Variants in IL10RA observed in about 807,000 individuals in gnomAD.
The protein encoded by IL10RA is interleukin-10 receptor subunit alpha.
A neutral mutation model predicts 29.6 loss-of-function variants in IL10RA; 18 were observed. That is an observed-to-expected ratio of 0.61 (90% CI 0.42 to 0.90). The LOEUF (loss-of-function observed/expected upper bound fraction) is 0.90, where lower values mean the gene tolerates loss of function less well. Ranked by LOEUF, IL10RA falls within the 40% of genes least tolerant of loss-of-function variation. IL10RA has a pLI of 0.00. For missense variants in IL10RA, 634 were observed against 716.6 expected (o/e 0.88, Z 1.32); for synonymous variants, 292 against 294.1 (o/e 0.99, Z 0.07).
At chr11:117,997,934 G>A (rs914277749) in intron 6 of IL10RA, among the ~76,000 whole-genome samples, 1 of 152,150 alleles carries the variant, frequency 6.6e-6, no homozygotes, top group East Asian at 1.9e-4. Flanking sequence ...AGCATTTCAA[G>A]CAGGAGGGAG....
In IL10RA at chr11:117,989,655, G is replaced by A. The variant is rs746772218; in HGVS notation, c.367+35G>A. ...CTCCCTTGACTTAGAACATGGCTCT[G>A]AAGTCCCTTCCAGCCAGGAACTCTA... On this transcript the variant is annotated intron_variant, in intron 3 of 6. Coordinates refer to ENST00000227752, the MANE Select transcript of IL10RA (RefSeq NM_001558.4). The surrounding 1 kb of genome is among the most constrained non-coding windows in gnomAD (Gnocchi z 4.5). 1.9e-6 allele frequency: 3 copies of A among 1,601,548 alleles called. No individual in the cohort carries two copies. The highest frequency in any genetic ancestry group is 2.7e-5 in the African/African-American group (2 of 74,780).
chr11:117,988,929 G>A (rs1246775921), intron 2 of IL10RA, among the ~76,000 whole-genome samples: 28 of 152,040 alleles, frequency 1.8e-4, no homozygotes, highest in Non-Finnish European at 1.5e-5. Context: ...CCTGGCTAAT[G>A]TTTGCATTTT....
At chr11:117,992,422 T>G (rs189725465) in intron 3 of IL10RA, among the ~76,000 whole-genome samples, 1 of 152,370 alleles carries the variant, frequency 6.6e-6, no homozygotes, top group Admixed American at 6.5e-5. Flanking sequence ...ATTGTGGTTT[T>G]AATTTGCATT....
chr11:117,992,022 A>G (rs1449432905), intron 3 of IL10RA, among the ~76,000 whole-genome samples: 7 of 152,220 alleles, frequency 4.6e-5, no homozygotes, highest in Admixed American at 3.9e-4. Context: ...GGCGTGAGCC[A>G]CTGGGCCGGG....
intron 3 of IL10RA, 39 bp from the exon 4 acceptor site, chr11:117,993,201 CA>C: frequency 1.3e-6 from 2 of 1,598,788 alleles, no homozygotes; most frequent in Non-Finnish European, 1.7e-6. Context: ...CCTCAGCCCT[CA>C]AGTCTCATGG....
intron 2 of IL10RA, among the ~76,000 whole-genome samples, chr11:117,988,855 G>A (rs1227818352): frequency 5.1e-4 from 77 of 152,180 alleles, no homozygotes; most frequent in Non-Finnish European, 7.3e-5. Flanking sequence ...CTGCCTCCTG[G>A]GTTCAAGCAA....
rs551502590 is a variant in IL10RA at position 117,990,265 on chromosome 11, C to A, written c.367+645C>A. Among the ~76,000 whole-genome samples, 8 of 152,268 alleles carry A rather than the reference C, an allele frequency of 5.3e-5. No homozygotes were observed. In the East Asian group the frequency reaches 1.5e-3, roughly 29 times the overall value. On this transcript the variant is annotated intron_variant, in intron 3 of 6. Coordinates refer to ENST00000227752, the MANE Select transcript of IL10RA (RefSeq NM_001558.4). ...GCTCAGCTGGTGCAGAAACGTTTCC[C>A]AGCAAGTGTGTTTAAAATATCTATT...
intron 1 of IL10RA, 21 bp downstream of exon 1, chr11:117,986,555 C>G: frequency 6.4e-7 from 1 of 1,550,944 alleles, no homozygotes; most frequent in Non-Finnish European, 8.7e-7. Flanking sequence ...GGGACGCGGC[C>G]CTTCCCTGCC....
intron 1 of IL10RA, chr11:117,986,779 G>T (rs770085627): frequency 3.9e-6 from 6 of 1,526,648 alleles, no homozygotes; most frequent in African/African-American, 2.7e-5. Context: ...CCCCCAACCC[G>T]CAAACCTCAT....
rs1173672479 is a variant in IL10RA at position 117,989,946 on chromosome 11, C to T, written c.367+326C>T. ...GGGAGAGGAAGCGAATCCATGAACA[C>T]TCAGCATAGGGCAGCAAGCAGTAGG... is the stretch of plus-strand genomic sequence containing the variant. On this transcript the variant is annotated intron_variant, in intron 3 of 6. Transcript: ENST00000227752. The surrounding 1 kb of genome is among the most constrained non-coding windows in gnomAD (Gnocchi z 4.5). Among the ~76,000 whole-genome samples the T allele has an allele frequency of 1.3e-5, 2 of 152,106 alleles. No homozygotes were observed. Among genetic ancestry groups the T allele is most frequent in the East Asian group, 1.9e-4 (1 of 5,190 alleles).
chr11:117,989,545 G>T lies in IL10RA; in HGVS notation c.292G>T (p.Ala98Ser), dbSNP rs1465212338. The T allele has an allele frequency of 6.2e-7, 1 of 1,614,048 alleles. No individual in the cohort carries two copies. Among genetic ancestry groups the T allele is most frequent in the African/African-American group, 1.3e-5 (1 of 74,922 alleles). Residue 98 changes from alanine (A) to serine (S), a missense_variant, in exon 3 of 7, where the codon GCC becomes TCC. Ala to Ser is a moderately conservative substitution (Grantham distance 99, BLOSUM62 1). Transcript: ENST00000227752. The surrounding 1 kb of genome is among the most constrained non-coding windows in gnomAD (Gnocchi z 4.5). The part of the protein sequence containing the change: ...LDLYHSNGYR[A>S]RVRAVDGSRH... ...CCTGTACCACAGCAATGGCTACCGGGCCAGAGTGCGGGCTGTGGACGGCAG... is the reference window on the plus strand; with the variant it reads ...CCTGTACCACAGCAATGGCTACCGGTCCAGAGTGCGGGCTGTGGACGGCAG...
chr11:117,999,053 A>G lies in IL10RA; in HGVS notation c.1149A>G (p.Thr383=), dbSNP rs537040126. Residue 383 remains threonine (T), a synonymous_variant, in exon 7 of 7, where the codon ACA becomes ACG. Coordinates refer to ENST00000227752, the MANE Select transcript of IL10RA (RefSeq NM_001558.4). ...AGGAGCCCAGCCTGAGCCCCAGCAC[A>G]GGGCCCACCTGGGAGCAACAGGTGG... is the stretch of plus-strand genomic sequence containing the variant. ...CLQEPSLSPS[T]GPTWEQQVGS... The G allele has an allele frequency of 2.9e-5, 46 of 1,612,268 alleles. 1 individual carries two copies. The South Asian group carries it at 4.9e-4, about 17-fold the overall frequency.
At chr11:118,001,590 G>A (rs529136884), downstream of IL10RA, 195 of 362,722 alleles carry the variant, frequency 5.4e-4, no homozygotes, top group African/African-American at 4.0e-3. Context: ...TCACTTTAAG[G>A]AAACAGGGCT....
Position 117,989,325 on chromosome 11 carries a change from G to T in IL10RA, c.189-117G>T. ...CCGTGGACTAGAGGATATAGCCTGA[G>T]GGCTGTCCCAGTTTCTCCCAATGTG... On this transcript the variant is annotated intron_variant, in intron 2 of 6. Transcript: ENST00000227752. The surrounding 1 kb of genome is among the most constrained non-coding windows in gnomAD (Gnocchi z 4.5). The T allele has an allele frequency of 1.1e-6, 1 of 925,796 alleles. No individual in the cohort carries two copies. The allele number at this position is 925,796 out of a possible 1,614,324, so 57.3% of individuals were successfully genotyped here.
chr11:117,991,342 G>T (rs1232564475), intron 3 of IL10RA, among the ~76,000 whole-genome samples: 1 of 152,196 alleles, frequency 6.6e-6, no homozygotes, highest in Non-Finnish European at 1.5e-5. Context: ...CTTGTGGAAT[G>T]ATCAAATCAA....
chr11:117,998,573 C>CA, intron 6 of IL10RA, 142 bp from the exon 7 acceptor site: 1 of 761,160 alleles, frequency 1.3e-6, no homozygotes, highest in Non-Finnish European at 2.3e-6. Context: ...GATTCGAAAA[C>CA]AAAACAGAAT....
chr11:117,996,857 A>G (rs990811519), intron 6 of IL10RA, among the ~76,000 whole-genome samples: 1 of 152,226 alleles, frequency 6.6e-6, no homozygotes, highest in Non-Finnish European at 1.5e-5. Flanking sequence ...TGCTAGGATT[A>G]TAGGCATGAG....
chr11:117,987,074 C>T (rs2057991407), intron 1 of IL10RA: 2 of 361,592 alleles, frequency 5.5e-6, no homozygotes, highest in Admixed American at 3.6e-5. Flanking sequence ...GCTTCTAACC[C>T]AGTTCAGGCT....
In IL10RA at chr11:117,989,608, T is replaced by G; in HGVS notation, c.355T>G (p.Ser119Ala). 6.2e-7 allele frequency: 1 copy of G among 1,614,056 alleles called. No homozygotes were observed. The highest frequency in any genetic ancestry group is 8.5e-7 in the Non-Finnish European group (1 of 1,180,038). ...SNWTVTNTRF[S>A]VDEVTLTVGS... ...CTGGACCGTCACCAACACCCGCTTC[T>G]CTGTGGATGAAGGTGCTTTTCCTCC... The change falls in exon 3 of 7, where the codon TCT becomes GCT. Residue 119 changes from serine (S) to alanine (A), a missense_variant. By Grantham distance (99) the Ser-to-Ala change is moderately conservative. Transcript: ENST00000227752. The surrounding 1 kb of genome is among the most constrained non-coding windows in gnomAD (Gnocchi z 4.5).
Sources: allele counts gnomAD v4.1 joint callset (sites outside exome capture counted in the v4.1 genomes callset), GRCh38; gene constraint gnomAD v4.1.1; non-coding constraint Gnocchi (gnomAD v3.1); transcripts MANE v1.5; gene names NCBI Gene and HGNC (gene_info 2026-07-23, HGNC 2026-07-21).